ZCCHC24: variants seen among roughly 807,000 people sequenced by gnomAD.
The protein encoded by ZCCHC24 is zinc finger CCHC domain-containing protein 24.
In ZCCHC24, 10 loss-of-function variants were observed where a neutral mutation model predicts 26.2. The ratio of observed to expected loss-of-function variants is 0.38; its 90% CI spans 0.24 to 0.65. ZCCHC24 has a LOEUF of 0.65. Ranked by LOEUF, ZCCHC24 falls within the 30% of genes least tolerant of loss-of-function variation. ZCCHC24 has a pLI of 0.54. For synonymous variants in ZCCHC24, 144 were observed against 147.1 expected (o/e 0.98, Z 0.15); for missense variants, 243 against 329.1 (o/e 0.74, Z 2.03).
intron 2 of ZCCHC24, among the ~76,000 whole-genome samples, chr10:79,428,418 G>GGAGCTC (rs1857069648): frequency 2.4e-5 from 1 of 41,544 alleles, no homozygotes; most frequent in Non-Finnish European, 5.3e-5. Context: ...ATAAATTTCA[G>GGAGCTC]TTTTGCAAGA....
chr10:79,425,313 C>A (rs1258512074), intron 2 of ZCCHC24, among the ~76,000 whole-genome samples: 1 of 152,230 alleles, frequency 6.6e-6, no homozygotes, highest in African/African-American at 2.4e-5. Context: ...CCAGAGCTGG[C>A]AATCCCAACC....
intron 3 of ZCCHC24, among the ~76,000 whole-genome samples, chr10:79,388,488 A>C (rs910488273): frequency 6.6e-6 from 1 of 152,148 alleles, no homozygotes; most frequent in Non-Finnish European, 1.5e-5. Context: ...CTTGAGTTAG[A>C]ATCTGGGTCC....
chr10:79,415,509 C>T (rs1283405016), intron 2 of ZCCHC24, among the ~76,000 whole-genome samples: 3 of 152,188 alleles, frequency 2.0e-5, no homozygotes, highest in Non-Finnish European at 4.4e-5. Context: ...CTGGAATATT[C>T]CAACTGCGGT....
intron 1 of ZCCHC24, among the ~76,000 whole-genome samples, chr10:79,442,614 C>T (rs1857305288): frequency 1.3e-5 from 2 of 152,212 alleles, no homozygotes; most frequent in African/African-American, 2.4e-5. Context: ...GCAGGCACTG[C>T]CACTGGGCCT....
chr10:79,444,288 G>A (rs2132228499), intron 1 of ZCCHC24: 2 of 1,416,896 alleles, frequency 1.4e-6, no homozygotes, highest in East Asian at 2.8e-5. Context: ...GGAAAGGAGT[G>A]GTATCTGGGC....
intron 1 of ZCCHC24, among the ~76,000 whole-genome samples, chr10:79,442,673 C>T (rs1383052829): frequency 6.6e-6 from 1 of 152,218 alleles, no homozygotes; most frequent in East Asian, 1.9e-4. Flanking sequence ...CTGGGTCCCT[C>T]CGTAGAGTCC....
At chr10:79,430,537 A>C (rs948909626) in intron 2 of ZCCHC24, among the ~76,000 whole-genome samples, 2 of 152,000 alleles carry the variant, frequency 1.3e-5, no homozygotes, top group African/African-American at 4.8e-5. Context: ...AGAGTCCAAT[A>C]TGAGATGATG....
At chr10:79,429,351 G>T (rs1857094506) in intron 2 of ZCCHC24, among the ~76,000 whole-genome samples, 1 of 152,204 alleles carries the variant, frequency 6.6e-6, no homozygotes, top group African/African-American at 2.4e-5. Flanking sequence ...GGGAGGCTGA[G>T]GCAGGTGGAT....
chr10:79,404,038 GGAGAA>G (rs1297803760), intron 2 of ZCCHC24, among the ~76,000 whole-genome samples: 1,865 of 152,228 alleles, frequency 0.012, 42 homozygotes, highest in African/African-American at 0.043. Flanking sequence ...GCAGATAAGA[GGAGAA>G]GGGGGGACAG....
At chr10:79,428,616 T>C (rs1024589854) in intron 2 of ZCCHC24, among the ~76,000 whole-genome samples, 3 of 152,022 alleles carry the variant, frequency 2.0e-5, no homozygotes, top group Non-Finnish European at 4.4e-5. Context: ...TTAAATATAA[T>C]TTAAAAGTAA....
At position 79,445,562 on chromosome 10, in the gene ZCCHC24, C is replaced by T; in HGVS notation, c.-122G>A. 4.4e-6 allele frequency: 4 copies of T among 899,426 alleles called. No individual in the cohort carries two copies. The highest frequency in any genetic ancestry group is 5.6e-6 in the Non-Finnish European group (4 of 719,168). The allele number at this position is 899,426 out of a possible 1,614,324, so 55.7% of individuals were successfully genotyped here. A position where few individuals can be genotyped will look rare whatever the true frequency, so the allele number is the denominator to read the frequency against. ...CCTCCCGAGCCCCGACGGTGATCGC[C>T]CCGCGCCCTGCGCCCCGCGCGCTGC... On this transcript the variant is annotated 5_prime_UTR_variant, in exon 1 of 4. Transcript: ENST00000372336.
intron 2 of ZCCHC24, among the ~76,000 whole-genome samples, chr10:79,401,260 G>A (rs2132184445): frequency 6.6e-6 from 1 of 152,346 alleles, no homozygotes; most frequent in Middle Eastern, 3.4e-3. Context: ...ACTCCCATCT[G>A]CACAGGGGCG....
At position 79,387,271 on chromosome 10, in the gene ZCCHC24, T is replaced by C. The variant is rs117936849; in HGVS notation, c.613-813A>G. On this transcript the variant is annotated intron_variant, in intron 3 of 3. Coordinates refer to ENST00000372336, the MANE Select transcript of ZCCHC24 (RefSeq NM_153367.4). ...CAGGGAGCCTCCGTTTCCATATCTG[T>C]GAAGTGGGCCATTCACAGTGCCTCA... 1.5e-3 allele frequency among the ~76,000 whole-genome samples: 225 copies of C among 152,186 alleles called. No individual in the cohort carries two copies. The East Asian group carries it at 0.024, about 16-fold the overall frequency.
intron 2 of ZCCHC24, among the ~76,000 whole-genome samples, chr10:79,402,132 G>A (rs1856641582): frequency 6.6e-6 from 1 of 152,222 alleles, no homozygotes; most frequent in African/African-American, 2.4e-5. Context: ...TTTACCAGAG[G>A]AGGCAGAAGG....
At chr10:79,440,132 A>C (rs770033665) in intron 1 of ZCCHC24, among the ~76,000 whole-genome samples, 1 of 147,918 alleles carries the variant, frequency 6.8e-6, no homozygotes, top group Non-Finnish European at 1.5e-5. Context: ...CACACACACA[A>C]CAGATCTAGG....
chr10:79,444,178 G>C, intron 1 of ZCCHC24: 1 of 1,536,362 alleles, frequency 6.5e-7, no homozygotes, highest in Non-Finnish European at 8.8e-7. Context: ...TCTTTGCAGA[G>C]AAAACCCCCA....
At chr10:79,415,359 G>A (rs1204506294) in intron 2 of ZCCHC24, among the ~76,000 whole-genome samples, 1 of 152,124 alleles carries the variant, frequency 6.6e-6, no homozygotes, top group Non-Finnish European at 1.5e-5. Context: ...CAGGACGGTG[G>A]GCAGAGGGCC....
chr10:79,396,276 C>T (rs1214994160), intron 2 of ZCCHC24, among the ~76,000 whole-genome samples: 2 of 152,204 alleles, frequency 1.3e-5, no homozygotes, highest in African/African-American at 4.8e-5. Flanking sequence ...GGGGCTGTTT[C>T]TAATGTTTGA....
chr10:79,414,717 C>T (rs889737204), intron 2 of ZCCHC24, among the ~76,000 whole-genome samples: 2 of 152,176 alleles, frequency 1.3e-5, no homozygotes, highest in Non-Finnish European at 2.9e-5. Flanking sequence ...CCCAGCTGCA[C>T]GTCAGAATTA....
Sources: gnomAD v4.1 joint callset for allele counts (sites outside exome capture counted in the v4.1 genomes callset) on GRCh38, gnomAD v4.1.1 for gene constraint, MANE v1.5 for transcripts, NCBI Gene and HGNC (gene_info 2026-07-23, HGNC 2026-07-21) for gene names.